WWOX: variants seen among roughly 807,000 people sequenced by gnomAD.
WWOX encodes WW domain containing oxidoreductase.
Under a neutral mutation model 46.2 loss-of-function variants are expected in WWOX, and 69 were observed. That is an observed-to-expected ratio of 1.49 (90% CI 1.23 to 1.82). The LOEUF (loss-of-function observed/expected upper bound fraction) is 1.82. Among genes scored for constraint, WWOX ranks in the 40% most tolerant of loss-of-function variants. The pLI is 0.00. For synonymous variants in WWOX, 359 were observed against 202.6 expected (o/e 1.77, Z -6.56); for missense variants, 919 against 542.6 (o/e 1.69, Z -6.89).
At chr16:78,476,896 CTT>C (rs1471960952) in intron 8 of WWOX, among the ~76,000 whole-genome samples, 2 of 152,102 alleles carry the variant, frequency 1.3e-5, no homozygotes, top group Non-Finnish European at 2.9e-5. Context: ...CTTCCTCCCT[CTT>C]CTCTCCCCTC....
At chr16:78,513,454 T>C (rs374197332) in intron 8 of WWOX, among the ~76,000 whole-genome samples, 204 of 152,332 alleles carry the variant, frequency 1.3e-3, no homozygotes, top group African/African-American at 4.6e-3. Flanking sequence ...TCCTTGAGAC[T>C]CCTTCAATGG....
At chr16:78,263,016 C>A (rs1271469791) in intron 5 of WWOX, among the ~76,000 whole-genome samples, 3 of 152,190 alleles carry the variant, frequency 2.0e-5, no homozygotes, top group Admixed American at 2.0e-4. Flanking sequence ...GCTCTGTCTC[C>A]ATCCCTTGGC....
intron 8 of WWOX, among the ~76,000 whole-genome samples, chr16:78,449,581 C>T (rs139597908): frequency 9.6e-4 from 146 of 152,280 alleles, no homozygotes; most frequent in African/African-American, 3.3e-3. Flanking sequence ...GTCTTTTCTT[C>T]GTTCTTTTTC....
chr16:78,457,841 G>A (rs1007417223), intron 8 of WWOX, among the ~76,000 whole-genome samples: 2 of 150,726 alleles, frequency 1.3e-5, no homozygotes, highest in African/African-American at 2.5e-5. Context: ...GCCTGATCCC[G>A]GGAGGCGGAG....
rs560261705 is a variant in WWOX at position 78,135,086 on chromosome 16, C to T, written c.409+19932C>T. ...CTGCAATACAGACAAACCTGACTCC[C>T]ACCATTCCTGTAAATGAAGATGGGG... On this transcript the variant is annotated intron_variant, in intron 4 of 8. Coordinates refer to ENST00000566780, the MANE Select transcript of WWOX (RefSeq NM_016373.4). Among the ~76,000 whole-genome samples the T allele has an allele frequency of 9.2e-5, 14 of 152,198 alleles. 1 individual carries two copies. The highest frequency in any genetic ancestry group is 7.3e-5 in the Non-Finnish European group (5 of 68,042).
intron 8 of WWOX, among the ~76,000 whole-genome samples, chr16:78,536,095 A>G (rs1305746165): frequency 3.9e-5 from 6 of 152,148 alleles, no homozygotes; most frequent in Non-Finnish European, 7.4e-5. Context: ...GGGGCCTTGT[A>G]TACAGTAAGC....
intron 5 of WWOX, among the ~76,000 whole-genome samples, chr16:78,291,929 C>T (rs1265511212): frequency 6.6e-6 from 1 of 152,050 alleles, no homozygotes; most frequent in Non-Finnish European, 1.5e-5. Context: ...GTGGACTTAG[C>T]ATCTGGGAAT....
intron 8 of WWOX, among the ~76,000 whole-genome samples, chr16:79,195,926 A>C (rs382888): frequency 0.65 from 98,504 of 152,106 alleles, 32,805 homozygotes; most frequent in Non-Finnish European, 0.72. Flanking sequence ...GTTCCTCTCA[A>C]GTGGGAAAAA....
intron 5 of WWOX, among the ~76,000 whole-genome samples, chr16:78,238,561 G>C (rs374716179): frequency 2.6e-5 from 4 of 152,048 alleles, no homozygotes; most frequent in South Asian, 2.1e-4. Context: ...CATTGTTATA[G>C]GATGTTGCCC....
At chr16:79,159,700 T>C (rs2050448030) in intron 8 of WWOX, among the ~76,000 whole-genome samples, 1 of 152,234 alleles carries the variant, frequency 6.6e-6, no homozygotes, top group Admixed American at 6.5e-5. Context: ...GGGGGAAAGA[T>C]AGCAGGCAGT....
chr16:78,642,968 C>A (rs1107454), intron 8 of WWOX, among the ~76,000 whole-genome samples: 47,258 of 151,998 alleles, frequency 0.31, 7,635 homozygotes, highest in African/African-American at 0.38. Context: ...CCCGGTGATT[C>A]TCTAAGGATT....
At chr16:78,336,065 C>G (rs575675300) in intron 5 of WWOX, among the ~76,000 whole-genome samples, 2 of 151,880 alleles carry the variant, frequency 1.3e-5, no homozygotes, top group African/African-American at 4.8e-5. Context: ...GCACTCCAAC[C>G]TGGGTGACAG....
chr16:78,396,707 A>G (rs2082295925), intron 6 of WWOX, among the ~76,000 whole-genome samples: 1 of 152,220 alleles, frequency 6.6e-6, no homozygotes, highest in African/African-American at 2.4e-5. Flanking sequence ...TTTTTCTGCA[A>G]AGAATCAGAT....
intron 4 of WWOX, among the ~76,000 whole-genome samples, chr16:78,163,021 T>A (rs1360327052): frequency 6.6e-6 from 1 of 152,224 alleles, no homozygotes; most frequent in African/African-American, 2.4e-5. Context: ...CTTGAATTTG[T>A]CAGTCAGACT....
At chr16:78,487,022 G>A (rs1410031140) in intron 8 of WWOX, among the ~76,000 whole-genome samples, 1 of 152,110 alleles carries the variant, frequency 6.6e-6, no homozygotes, top group Non-Finnish European at 1.5e-5. Context: ...CCTCGACAGC[G>A]AGCAGACACA....
At chr16:78,644,881 G>T (rs1330917686) in intron 8 of WWOX, among the ~76,000 whole-genome samples, 1 of 152,150 alleles carries the variant, frequency 6.6e-6, no homozygotes, top group African/African-American at 2.4e-5. Flanking sequence ...TAGAAAATCG[G>T]GACGGCATGT....
chr16:78,908,063 A>G (rs376343524), intron 8 of WWOX, among the ~76,000 whole-genome samples: 3 of 152,290 alleles, frequency 2.0e-5, no homozygotes, highest in African/African-American at 7.2e-5. Context: ...GAAAGTTTAT[A>G]GTTCCCAAAT....
At chr16:78,223,973 A>T (rs1281104342) in intron 5 of WWOX, among the ~76,000 whole-genome samples, 2 of 152,194 alleles carry the variant, frequency 1.3e-5, no homozygotes, top group Non-Finnish European at 2.9e-5. Flanking sequence ...GTCAGTAGAA[A>T]GGAAGAGACC....
intron 8 of WWOX, among the ~76,000 whole-genome samples, chr16:78,798,931 T>G (rs2050814076): frequency 6.6e-6 from 1 of 152,210 alleles, no homozygotes; most frequent in Non-Finnish European, 1.5e-5. Flanking sequence ...GCCAGTGGTT[T>G]TATGGCATTT....
Sources: allele counts gnomAD v4.1 joint callset (sites outside exome capture counted in the v4.1 genomes callset), GRCh38; gene constraint gnomAD v4.1.1; transcripts MANE v1.5; gene names NCBI Gene and HGNC (gene_info 2026-07-23, HGNC 2026-07-21).